Variants in MAST2 observed in about 807,000 individuals in gnomAD.
MAST2 encodes microtubule associated serine/threonine kinase 2.
Under a neutral mutation model 147.4 loss-of-function variants are expected in MAST2, and 70 were observed. The observed-to-expected ratio is 0.47, with a 90% CI of 0.39 to 0.58. The LOEUF (loss-of-function observed/expected upper bound fraction) is 0.58, where lower values mean the gene tolerates loss of function less well. Ranked by LOEUF, MAST2 falls within the 20% of genes least tolerant of loss-of-function variation. The pLI is 0.00. For missense variants in MAST2, 2,080 were observed against 2,302.3 expected, an observed-to-expected ratio of 0.90 and a Z score of 1.98; for synonymous variants, 869 against 896.8, an observed-to-expected ratio of 0.97 and a Z score of 0.55.
chr1:45,940,572 A>G (rs1006932180), intron 4 of MAST2, among the ~76,000 whole-genome samples: 2 of 152,120 alleles, frequency 1.3e-5, no homozygotes, highest in African/African-American at 4.8e-5. Context: ...GCATACAAAC[A>G]GAGTAGAGTA....
intron 12 of MAST2, 47 bp from the exon 13 acceptor site, chr1:46,022,861 GAT>G (rs892439419): frequency 1.4e-6 from 2 of 1,397,458 alleles, no homozygotes; most frequent in African/African-American, 2.8e-5. Flanking sequence ...ATACTGCTGA[GAT>G]ACCTGACATT....
chr1:45,818,408 G>T (rs1644521089), intron 1 of MAST2, among the ~76,000 whole-genome samples: 1 of 152,184 alleles, frequency 6.6e-6, no homozygotes, highest in Admixed American at 6.5e-5. Flanking sequence ...GTCATATAAA[G>T]TCCACTTTTC....
chr1:45,983,852 A>G (rs373098137), intron 5 of MAST2, among the ~76,000 whole-genome samples: 4 of 152,174 alleles, frequency 2.6e-5, no homozygotes, highest in African/African-American at 9.6e-5. Flanking sequence ...GAGATTTGGG[A>G]TAAGGGGCAC....
chr1:46,028,418 T>C (rs946028618), intron 17 of MAST2, among the ~76,000 whole-genome samples: 1 of 152,124 alleles, frequency 6.6e-6, no homozygotes, highest in Non-Finnish European at 1.5e-5. Flanking sequence ...ACATTTCAGG[T>C]TGTGACTGTT....
At chr1:45,977,228 C>G (rs1422211642) in intron 5 of MAST2, among the ~76,000 whole-genome samples, 1 of 152,246 alleles carries the variant, frequency 6.6e-6, no homozygotes, top group Non-Finnish European at 1.5e-5. Flanking sequence ...TGGCTCATGC[C>G]TGTATTCCCA....
chr1:45,825,699 C>T (rs2148712247), intron 2 of MAST2, among the ~76,000 whole-genome samples: 1 of 151,842 alleles, frequency 6.6e-6, no homozygotes, highest in East Asian at 2.0e-4. Flanking sequence ...TCCCAAAGTG[C>T]TGGGATTACA....
In MAST2 at chr1:45,914,626, G is replaced by C. The variant is rs141887008; in HGVS notation, c.500+32231G>C. On this transcript the variant is annotated intron_variant, in intron 4 of 28. Transcript: ENST00000361297. ...TCAGATTTTCTTCCTGAGTCAAACT[G>C]CTTGCCCTGAGACAGACAGGCTTCT... Among the ~76,000 whole-genome samples the C allele has an allele frequency of 6.6e-5, 10 of 152,272 alleles. No homozygotes were observed. The East Asian group carries it at 1.7e-3, about 26-fold the overall frequency.
At chr1:45,885,227 G>A (rs1028103000) in intron 4 of MAST2, among the ~76,000 whole-genome samples, 1 of 152,120 alleles carries the variant, frequency 6.6e-6, no homozygotes, top group South Asian at 2.1e-4. Flanking sequence ...GTCCCTGTTT[G>A]CCTTTCTTAG....
chr1:45,855,302 C>T lies in MAST2; in HGVS notation c.468+25721C>T, dbSNP rs547149646. ...AAATATATATTTTTATTATAAATCA[C>T]GATATCACAATAAGTTTTGAGGAGA... is the stretch of plus-strand genomic sequence containing the variant. On this transcript the variant is annotated intron_variant, in intron 3 of 28. Coordinates refer to ENST00000361297, the MANE Select transcript of MAST2 (RefSeq NM_015112.3). Among the ~76,000 whole-genome samples the T allele has an allele frequency of 7.4e-5, 11 of 147,988 alleles. No individual in the cohort carries two copies. In the South Asian group the frequency reaches 8.8e-4, roughly 12 times the overall value.
At chr1:45,906,890 ATC>A (rs1650839687) in intron 4 of MAST2, among the ~76,000 whole-genome samples, 2 of 117,962 alleles carry the variant, frequency 1.7e-5, no homozygotes, top group East Asian at 6.6e-4. Flanking sequence ...TACCATTTCT[ATC>A]TTTTACATGT....
chr1:45,929,457 A>T (rs1654932737), intron 4 of MAST2, among the ~76,000 whole-genome samples: 3 of 152,200 alleles, frequency 2.0e-5, no homozygotes. Flanking sequence ...CAGCTGAGGA[A>T]AACCTTGGCT....
At chr1:46,022,790 C>T in intron 12 of MAST2, 120 bp from the exon 13 acceptor site, 1 of 778,490 alleles carries the variant, frequency 1.3e-6, no homozygotes, top group African/African-American at 1.7e-5. Context: ...GAATTCACAT[C>T]CTAGGCTGAT....
chr1:45,858,395 G>C (rs1645863497), intron 3 of MAST2, among the ~76,000 whole-genome samples: 1 of 152,020 alleles, frequency 6.6e-6, no homozygotes, highest in African/African-American at 2.4e-5. Context: ...GTGTCTGTTG[G>C]CTGCATAAAT....
rs578204257 is a variant in MAST2 at position 46,029,525 on chromosome 1, T to C, written c.2278T>C (p.Ser760Pro). The C allele has an allele frequency of 6.2e-7, 1 of 1,614,040 alleles. No individual in the cohort carries two copies. Among genetic ancestry groups the C allele is most frequent in the Non-Finnish European group, 8.5e-7 (1 of 1,179,986 alleles). Reference protein sequence around the residue: ...ALPPDAQDLTSKLLHQNPLER... With the variant: ...ALPPDAQDLTPKLLHQNPLER... Reference sequence around the variant, plus strand: ...GCCCCCAGACGCCCAGGACCTCACCTCCAAACTGCTCCACCAGAACCCTCT... The same window carrying C: ...GCCCCCAGACGCCCAGGACCTCACCCCCAAACTGCTCCACCAGAACCCTCT... Residue 760 changes from serine to proline, a missense_variant, in exon 19 of 29, where the codon TCC becomes CCC. Ser to Pro is a moderately conservative substitution (Grantham distance 74). Around this residue, in one of 4 missense-constraint regions of MAST2, gnomAD observed 209 missense variants for 309.5 expected, o/e 0.68. Transcript: ENST00000361297.
intron 3 of MAST2, among the ~76,000 whole-genome samples, chr1:45,838,615 A>G (rs1331511445): frequency 2.6e-5 from 4 of 152,160 alleles, no homozygotes; most frequent in African/African-American, 9.7e-5. Flanking sequence ...ATTGAGTTTC[A>G]GGAATCTTCG....
chr1:45,812,247 C>G (rs188604459), intron 1 of MAST2, among the ~76,000 whole-genome samples: 1 of 152,096 alleles, frequency 6.6e-6, no homozygotes, highest in African/African-American at 2.4e-5. Context: ...AGGGCTAGCT[C>G]CTAAAAAGGT....
chr1:45,956,515 A>T (rs546831889), intron 4 of MAST2, among the ~76,000 whole-genome samples: 1 of 152,310 alleles, frequency 6.6e-6, no homozygotes, highest in African/African-American at 2.4e-5. Context: ...TTCCCTTGTT[A>T]TGGTCTATGG....
chr1:45,939,799 C>A (rs928097590), intron 4 of MAST2, among the ~76,000 whole-genome samples: 1 of 151,992 alleles, frequency 6.6e-6, no homozygotes, highest in Non-Finnish European at 1.5e-5. Context: ...CTTGGCCTCC[C>A]AGAGTGCTGG....
At chr1:45,999,889 GATACCTTCA>G (rs1645203576) in intron 6 of MAST2, among the ~76,000 whole-genome samples, 1 of 152,192 alleles carries the variant, frequency 6.6e-6, no homozygotes, top group Non-Finnish European at 1.5e-5. Flanking sequence ...CTTTAATAGA[GATACCTTCA>G]TTTGTTGAAA....
Sources: gnomAD v4.1 joint callset for allele counts (sites outside exome capture counted in the v4.1 genomes callset) on GRCh38, gnomAD v4.1.1 for gene constraint, gnomAD v4.1.1 regional missense constraint, MANE v1.5 for transcripts, NCBI Gene and HGNC (gene_info 2026-07-23, HGNC 2026-07-21) for gene names.